Variants in RIN2 observed in about 807,000 individuals in gnomAD.
The protein encoded by RIN2 is Ras and Rab interactor 2.
In RIN2, 36 loss-of-function variants were observed where a neutral mutation model predicts 78.0. The ratio of observed to expected loss-of-function variants is 0.46; its 90% CI spans 0.35 to 0.61. RIN2 has a LOEUF of 0.61. Among genes scored for constraint, RIN2 ranks in the 20% least tolerant of loss-of-function variants. RIN2 has a pLI of 0.00. For synonymous variants in RIN2, 466 were observed against 466.8 expected, an observed-to-expected ratio of 1.00 and a Z score of 0.02; for missense variants, 1,087 against 1,159.7, an observed-to-expected ratio of 0.94 and a Z score of 0.91.
Position 19,975,841 on chromosome 20 carries a change from T to C in RIN2, c.1762+54T>C. On this transcript the variant is annotated intron_variant, in intron 9 of 12. Transcript: ENST00000255006. The surrounding 1 kb of genome is among the most constrained non-coding windows in gnomAD (Gnocchi z 4.9). ...ATCTATTGTAACTCTGTCCGGGCAG[T>C]GCAACCTATGTTTGTTATTTTTTAT... 1 of 1,468,930 alleles carries C rather than the reference T, an allele frequency of 6.8e-7. No homozygotes were observed. Among genetic ancestry groups the C allele is most frequent in the Admixed American group, 2.0e-5 (1 of 51,110 alleles). The allele number at this position is 1,468,930 out of a possible 1,614,324, so 91.0% of individuals were successfully genotyped here. A position where few individuals can be genotyped will look rare whatever the true frequency, so the allele number is the denominator to read the frequency against.
At chr20:19,768,291 G>A (rs1187596364) in intron 1 of RIN2, among the ~76,000 whole-genome samples, 2 of 152,254 alleles carry the variant, frequency 1.3e-5, no homozygotes, top group Non-Finnish European at 2.9e-5. Flanking sequence ...AGGAAAACAG[G>A]AGAGTGGGGA....
intron 9 of RIN2, among the ~76,000 whole-genome samples, chr20:19,978,199 T>A (rs2042342564): frequency 6.6e-6 from 1 of 152,198 alleles, no homozygotes; most frequent in South Asian, 2.1e-4. Context: ...TCCTATAGCT[T>A]CTGAAGAAGA....
chr20:19,988,131 T>C (rs1198574296), intron 9 of RIN2, among the ~76,000 whole-genome samples: 1 of 152,220 alleles, frequency 6.6e-6, no homozygotes, highest in Non-Finnish European at 1.5e-5. Context: ...TTTTGCTTTT[T>C]CTTTTGAGAC....
At chr20:19,761,073 G>A (rs986807773) in intron 1 of RIN2, among the ~76,000 whole-genome samples, 2 of 152,330 alleles carry the variant, frequency 1.3e-5, no homozygotes, top group African/African-American at 4.8e-5. Context: ...ACAGCAAGAA[G>A]TATACCCTCA....
intron 4 of RIN2, among the ~76,000 whole-genome samples, chr20:19,953,899 G>A (rs1041526155): frequency 4.6e-5 from 7 of 152,218 alleles, no homozygotes; most frequent in African/African-American, 1.4e-4. Flanking sequence ...GGCATTTGCA[G>A]AAGGAGAAAC....
intron 4 of RIN2, among the ~76,000 whole-genome samples, chr20:19,944,786 T>C (rs1263296237): frequency 6.6e-6 from 1 of 152,112 alleles, no homozygotes; most frequent in Non-Finnish European, 1.5e-5. Flanking sequence ...CTCTCCTGCT[T>C]CCAGGACCTG....
intron 2 of RIN2, among the ~76,000 whole-genome samples, chr20:19,837,791 CT>C (rs1381493951): frequency 1.3e-5 from 2 of 149,388 alleles, no homozygotes; most frequent in Non-Finnish European, 3.0e-5. Context: ...CTCTCTTTTT[CT>C]TTCTCCATCC....
At chr20:19,784,317 ATTATGTGTGTGTGT>A (rs976224298) in intron 1 of RIN2, among the ~76,000 whole-genome samples, 2 of 151,426 alleles carry the variant, frequency 1.3e-5, no homozygotes, top group African/African-American at 4.9e-5. Context: ...AATTTAAACA[ATTATGTGTGTGTGT>A]GTGTATGTGT....
chr20:19,964,197 A>G (rs1033335204), intron 6 of RIN2, among the ~76,000 whole-genome samples: 2 of 151,522 alleles, frequency 1.3e-5, no homozygotes, highest in African/African-American at 4.9e-5. Context: ...AAATGTGAAC[A>G]CTGGAGCAGG....
intron 9 of RIN2, among the ~76,000 whole-genome samples, chr20:19,977,795 G>A (rs183573979): frequency 1.3e-4 from 20 of 152,276 alleles, no homozygotes; most frequent in Middle Eastern, 3.4e-3. Context: ...AAAGCTCTCT[G>A]TTGAGTTATG....
At chr20:19,922,781 C>A (rs1008743089) in intron 3 of RIN2, among the ~76,000 whole-genome samples, 2 of 152,158 alleles carry the variant, frequency 1.3e-5, no homozygotes, top group African/African-American at 2.4e-5. Flanking sequence ...GACCAGTGTC[C>A]CCAGCAGATA....
At chr20:19,948,463 C>T (rs1043712131) in intron 4 of RIN2, among the ~76,000 whole-genome samples, 7 of 152,052 alleles carry the variant, frequency 4.6e-5, no homozygotes, top group Non-Finnish European at 1.0e-4. Context: ...GGCGTGATCT[C>T]GGCTTACTGC....
At chr20:19,817,251 C>T (rs777615994) in intron 2 of RIN2, among the ~76,000 whole-genome samples, 9 of 152,204 alleles carry the variant, frequency 5.9e-5, no homozygotes, top group Non-Finnish European at 1.0e-4. Context: ...ATGTACTGCT[C>T]ACAGTTCCGG....
rs151145025 is a variant in RIN2 at position 19,796,951 on chromosome 20, C to T, written c.-162-2671C>T. ...AATGTTTTTTGTTTTTTGTTTTCCC[C>T]AAAGTGAAGGCCAAATGCAGTGTAA... On this transcript the variant is annotated intron_variant, in intron 1 of 12. Coordinates refer to ENST00000255006, the MANE Select transcript of RIN2 (RefSeq NM_018993.4). Among the ~76,000 whole-genome samples the T allele has an allele frequency of 9.4e-3, 1,428 of 152,240 alleles. 8 individuals are homozygous for T. The highest frequency in any genetic ancestry group is 0.017 in the Middle Eastern group (5 of 294).
intron 9 of RIN2, among the ~76,000 whole-genome samples, chr20:19,985,956 C>G (rs2042608274): frequency 6.6e-6 from 1 of 152,132 alleles, no homozygotes; most frequent in Admixed American, 6.5e-5. Flanking sequence ...GTAGGCCTCC[C>G]TGGATGGAGT....
At chr20:19,780,500 G>A (rs1228949587) in intron 1 of RIN2, among the ~76,000 whole-genome samples, 2 of 152,098 alleles carry the variant, frequency 1.3e-5, no homozygotes, top group Admixed American at 1.3e-4. Flanking sequence ...GATGTAATGA[G>A]CTTCTCTTAA....
At chr20:19,910,400 T>TCA (rs10681710) in intron 3 of RIN2, among the ~76,000 whole-genome samples, 63,226 of 151,652 alleles carry the variant, frequency 0.42, 13,281 homozygotes, top group Middle Eastern at 0.44. Context: ...CTCGAACTCC[T>TCA]CACCTCAAGT....
rs927332798 is a variant in RIN2 at position 19,964,982 on chromosome 20, T to G, written c.494T>G (p.Phe165Cys). ...TCCCTGGAAGGCTCAGGAATCAGTT[T>G]CGCAGATTTATTCCGGCTCATTGCT... ...TFSLEGSGIS[F>C]ADLFRLIAFY... Residue 165 changes from phenylalanine to cysteine, a missense_variant, in exon 7 of 13, where the codon TTC (phenylalanine) becomes TGC (cysteine). This residue lies in a region of RIN2 where 706 missense variants were observed against 667.5 expected (regional missense o/e 1.06). Coordinates refer to ENST00000255006, the MANE Select transcript of RIN2 (RefSeq NM_018993.4). 9.9e-6 allele frequency: 16 copies of G among 1,613,742 alleles called. No homozygotes were observed. The highest frequency in any genetic ancestry group is 1.4e-5 in the Non-Finnish European group (16 of 1,179,844).
intron 2 of RIN2, among the ~76,000 whole-genome samples, chr20:19,827,553 G>T (rs1286734771): frequency 6.6e-6 from 1 of 152,168 alleles, no homozygotes; most frequent in Non-Finnish European, 1.5e-5. Flanking sequence ...TCTCCTGAGT[G>T]CTTGAAGGTG....
Sources: gnomAD v4.1 joint callset for allele counts (sites outside exome capture counted in the v4.1 genomes callset) on GRCh38, gnomAD v4.1.1 for gene constraint, gnomAD v4.1.1 regional missense constraint, Gnocchi (gnomAD v3.1) non-coding constraint, MANE v1.5 for transcripts, NCBI Gene and HGNC (gene_info 2026-07-23, HGNC 2026-07-21) for gene names.